Variants in C7orf78 observed in about 807,000 individuals in gnomAD.
C7orf78 encodes chromosome 7 open reading frame 78.
chr7:12,499,787 GCACCA>G, the C7orf78 span, among the ~76,000 whole-genome samples: 1 of 150,510 alleles, frequency 6.6e-6, no homozygotes. Context: ...ATTTTCTTCA[GCACCA>G]CACCACACCT....
chr7:12,510,499 G>A, the C7orf78 span, among the ~76,000 whole-genome samples: 2 of 152,126 alleles, frequency 1.3e-5, no homozygotes, highest in Admixed American at 6.5e-5. Context: ...CCATACTGTA[G>A]TGAGAATGTA....
the C7orf78 span, among the ~76,000 whole-genome samples, chr7:12,539,999 T>C: frequency 6.6e-6 from 1 of 152,176 alleles, no homozygotes; most frequent in African/African-American, 2.4e-5. Flanking sequence ...CTTCAAGCTT[T>C]AAGAACAGAA....
the C7orf78 span, among the ~76,000 whole-genome samples, chr7:12,521,744 C>A: frequency 6.7e-6 from 1 of 149,998 alleles, no homozygotes; most frequent in African/African-American, 2.5e-5. Context: ...AACTTGCTAA[C>A]CATTTTCCTG....
chr7:12,499,247 A>G, the C7orf78 span, among the ~76,000 whole-genome samples: 1 of 151,676 alleles, frequency 6.6e-6, no homozygotes, highest in African/African-American at 2.4e-5. Flanking sequence ...TTAACTTTAA[A>G]TGTAAATGGA....
At chr7:12,519,173 T>A in the C7orf78 span, among the ~76,000 whole-genome samples, 2 of 151,982 alleles carry the variant, frequency 1.3e-5, no homozygotes, top group South Asian at 4.1e-4. Context: ...CCCAAACATG[T>A]AGCTCTCAGA....
chr7:12,504,072 C>T, the C7orf78 span, among the ~76,000 whole-genome samples: 1 of 152,162 alleles, frequency 6.6e-6, no homozygotes, highest in African/African-American at 2.4e-5. Context: ...CCTTCTTAAG[C>T]CCAAGGTGAA....
the C7orf78 span, among the ~76,000 whole-genome samples, chr7:12,484,661 T>C: frequency 6.6e-6 from 1 of 152,228 alleles, no homozygotes; most frequent in Non-Finnish European, 1.5e-5. Flanking sequence ...ATTACATGCA[T>C]GCTGTCATGG....
the C7orf78 span, among the ~76,000 whole-genome samples, chr7:12,535,819 G>T: frequency 6.6e-6 from 1 of 152,180 alleles, no homozygotes; most frequent in Non-Finnish European, 1.5e-5. Context: ...ATGCAAGTCC[G>T]AAATGCAGCA....
chr7:12,484,617 T>C, the C7orf78 span, among the ~76,000 whole-genome samples: 1 of 152,240 alleles, frequency 6.6e-6, no homozygotes, highest in African/African-American at 2.4e-5. Context: ...TATTATGCTG[T>C]TACCATATAT....
At chr7:12,503,986 A>G in the C7orf78 span, among the ~76,000 whole-genome samples, 1 of 152,192 alleles carries the variant, frequency 6.6e-6, no homozygotes, top group Admixed American at 6.5e-5. Flanking sequence ...TAAGATCTGT[A>G]GGTTGAGCCG....
chr7:12,497,642 C>A, the C7orf78 span, among the ~76,000 whole-genome samples: 1 of 152,142 alleles, frequency 6.6e-6, no homozygotes, highest in Non-Finnish European at 1.5e-5. Flanking sequence ...TGCAAGGCGG[C>A]AGCGAGGCTG....
At chr7:12,531,894 G>A in the C7orf78 span, among the ~76,000 whole-genome samples, 1 of 152,138 alleles carries the variant, frequency 6.6e-6, no homozygotes, top group Non-Finnish European at 1.5e-5. Flanking sequence ...GGGAAAGTAG[G>A]CCTACTGCAG....
At chr7:12,536,256 A>C in the C7orf78 span, among the ~76,000 whole-genome samples, 1 of 152,158 alleles carries the variant, frequency 6.6e-6, no homozygotes, top group South Asian at 2.1e-4. Flanking sequence ...AGGCTCCCAA[A>C]CCTCAATTCT....
At chr7:12,533,387 G>A in the C7orf78 span, among the ~76,000 whole-genome samples, 2 of 151,782 alleles carry the variant, frequency 1.3e-5, no homozygotes, top group Admixed American at 1.3e-4. Context: ...TTTTAGTAGA[G>A]ACAGGGGTTT....
chr7:12,525,060 T>C, the C7orf78 span, among the ~76,000 whole-genome samples: 2 of 152,146 alleles, frequency 1.3e-5, no homozygotes, highest in African/African-American at 4.8e-5. Flanking sequence ...TTGTATTCAA[T>C]TAAAGAGCGA....
chr7:12,533,768 G>C, the C7orf78 span, among the ~76,000 whole-genome samples: 1 of 151,620 alleles, frequency 6.6e-6, no homozygotes, highest in Non-Finnish European at 1.5e-5. Flanking sequence ...CACCTGTCTC[G>C]GCCTCCCAAA....
chr7:12,510,680 T>C, the C7orf78 span, among the ~76,000 whole-genome samples: 11 of 152,186 alleles, frequency 7.2e-5, no homozygotes, highest in Non-Finnish European at 1.2e-4. Context: ...TGTTGGTCTT[T>C]TGTATGCCTT....
At chr7:12,505,131 T>C in the C7orf78 span, among the ~76,000 whole-genome samples, 1 of 152,100 alleles carries the variant, frequency 6.6e-6, no homozygotes. Flanking sequence ...TTGTCACTAT[T>C]ATGGTGAAGT....
the C7orf78 span, chr7:12,542,100 G>A: frequency 6.6e-6 from 1 of 152,110 alleles, no homozygotes; most frequent in Non-Finnish European, 1.5e-5. Flanking sequence ...AGGATTTAAT[G>A]CTATTGCCAG....
Sources: gnomAD v4.1 joint callset for allele counts (sites outside exome capture counted in the v4.1 genomes callset) on GRCh38, gnomAD v4.1.1 for gene constraint, MANE v1.5 for transcripts, NCBI Gene and HGNC (gene_info 2026-07-23, HGNC 2026-07-21) for gene names.